The following PTPN12 variants were observed in gnomAD, a reference collection of about 807,000 sequenced individuals.
The protein encoded by PTPN12 is tyrosine-protein phosphatase non-receptor type 12.
A neutral mutation model predicts 97.6 loss-of-function variants in PTPN12; 29 were observed. The observed-to-expected ratio is 0.30, with a 90% CI of 0.22 to 0.41. PTPN12 has a LOEUF of 0.41. Ranked by LOEUF, PTPN12 falls within the 10% of genes least tolerant of loss-of-function variation. PTPN12 has a pLI of 1.00. For synonymous variants in PTPN12, 327 were observed against 300.4 expected (o/e 1.09, Z -0.91); for missense variants, 819 against 926.0 (o/e 0.88, Z 1.50).
chr7:77,618,329 A>C, intron 11 of PTPN12, 151 bp from the exon 12 acceptor site: 1 of 515,514 alleles, frequency 1.9e-6, no homozygotes, highest in Non-Finnish European at 3.4e-6. Context: ...TCAGGCTAAA[A>C]TATAGAGCCA....
chr7:77,587,861 A>G (rs749453599), intron 5 of PTPN12, among the ~76,000 whole-genome samples: 2 of 152,178 alleles, frequency 1.3e-5, no homozygotes, highest in Non-Finnish European at 2.9e-5. Context: ...TCGCACTTTT[A>G]TGTTATGGGG....
At chr7:77,611,583 T>A (rs535072566) in intron 11 of PTPN12, among the ~76,000 whole-genome samples, 1 of 152,242 alleles carries the variant, frequency 6.6e-6, no homozygotes, top group Non-Finnish European at 1.5e-5. Flanking sequence ...TAGCTGGGAT[T>A]ACAGGCGCAC....
At position 77,592,211 on chromosome 7, in the gene PTPN12, G is replaced by A; in HGVS notation, c.447G>A (p.Leu149=). Residue 149 remains leucine (L), a synonymous_variant, in exon 6 of 18, where the codon TTG becomes TTA. Transcript: ENST00000248594. ...GRKKCERYWP[L]YGEDPITFAP... The stretch of plus-strand genomic sequence containing the variant: ...AAAAATGTGAGCGCTATTGGCCTTT[G>A]TATGGAGAAGACCCCATAACGTTTG... 1.9e-6 allele frequency: 3 copies of A among 1,604,754 alleles called. No homozygotes were observed. Among genetic ancestry groups the A allele is most frequent in the Non-Finnish European group, 2.5e-6 (3 of 1,177,606 alleles).
chr7:77,611,617 G>A (rs1788571940), intron 11 of PTPN12, among the ~76,000 whole-genome samples: 1 of 152,148 alleles, frequency 6.6e-6, no homozygotes. Context: ...GCTAGTTTTT[G>A]TATTTTTAGT....
intron 11 of PTPN12, among the ~76,000 whole-genome samples, chr7:77,613,984 C>T (rs546074222): frequency 1.9e-4 from 29 of 152,190 alleles, no homozygotes; most frequent in African/African-American, 2.4e-4. Flanking sequence ...CTCAACCTCC[C>T]GGACTCAAGC....
At chr7:77,538,193 A>C (rs892315929) in intron 1 of PTPN12, 1 of 665,240 alleles carries the variant, frequency 1.5e-6, no homozygotes, top group Non-Finnish European at 1.9e-6. Flanking sequence ...GGTCGCAGTC[A>C]TGATCTCCAA....
chr7:77,584,309 A>T (rs1187452218), intron 4 of PTPN12, among the ~76,000 whole-genome samples: 3 of 152,184 alleles, frequency 2.0e-5, no homozygotes, highest in African/African-American at 2.4e-5. Context: ...AAGCATTGAC[A>T]TGCTCTGGTC....
chr7:77,558,262 G>A (rs977906792), intron 1 of PTPN12, among the ~76,000 whole-genome samples: 3 of 151,532 alleles, frequency 2.0e-5, no homozygotes, highest in African/African-American at 4.8e-5. Flanking sequence ...AAAATGGTAA[G>A]GATATAGAAA....
Position 77,611,981 on chromosome 7 carries a change from A to ATT in PTPN12, c.939+950_939+951dup, listed in dbSNP as rs370589017. ...CCACCTTGTCCCTGAAGGTGCTGAG[A>ATT]TTTTTTTTTTTTTTTTGTAGAATTT... is the stretch of plus-strand genomic sequence containing the variant. On this transcript the variant is annotated intron_variant, in intron 11 of 17. Coordinates refer to ENST00000248594, the MANE Select transcript of PTPN12 (RefSeq NM_002835.4). 1.7e-3 allele frequency among the ~76,000 whole-genome samples: 236 copies of ATT among 140,032 alleles called. 1 individual carries two copies. In the East Asian group the frequency reaches 0.034, roughly 20 times the overall value. 91.9% of individuals were successfully genotyped at this position (140,032 alleles called of 152,430 possible).
intron 16 of PTPN12, among the ~76,000 whole-genome samples, chr7:77,637,844 G>T (rs1246684553): frequency 9.8e-5 from 10 of 101,678 alleles, no homozygotes; most frequent in African/African-American, 3.4e-4. Context: ...GCAACAAGAG[G>T]GAAACTCCGT....
intron 8 of PTPN12, 131 bp downstream of exon 8, chr7:77,600,937 C>A: frequency 1.3e-6 from 1 of 758,982 alleles, no homozygotes; most frequent in Admixed American, 3.2e-5. Context: ...GGACTAGGGC[C>A]TTGTAAGTTG....
intron 11 of PTPN12, among the ~76,000 whole-genome samples, chr7:77,612,155 G>C (rs1788591730): frequency 6.6e-6 from 1 of 152,036 alleles, no homozygotes; most frequent in South Asian, 2.1e-4. Context: ...GAATTTTCTT[G>C]GTTTTCCAAA....
intron 5 of PTPN12, among the ~76,000 whole-genome samples, chr7:77,586,880 T>TA (rs1403897713): frequency 6.6e-6 from 1 of 152,228 alleles, no homozygotes; most frequent in Non-Finnish European, 1.5e-5. Flanking sequence ...TTTATTTTCT[T>TA]ATCCGTAAGA....
At chr7:77,565,021 G>A (rs144257297) in intron 1 of PTPN12, among the ~76,000 whole-genome samples, 14 of 152,152 alleles carry the variant, frequency 9.2e-5, no homozygotes, top group African/African-American at 3.4e-4. Flanking sequence ...CTCCCAAAGT[G>A]CTGGGATTAG....
chr7:77,584,725 A>C (rs1367750129), intron 4 of PTPN12, among the ~76,000 whole-genome samples: 1 of 152,070 alleles, frequency 6.6e-6, no homozygotes, highest in East Asian at 1.9e-4. Flanking sequence ...AAAATACAAA[A>C]AATTAGCTGG....
At chr7:77,597,997 G>A (rs756848441) in intron 7 of PTPN12, 96 bp downstream of exon 7, 15 of 1,480,060 alleles carry the variant, frequency 1.0e-5, no homozygotes, top group African/African-American at 2.8e-5. Flanking sequence ...GGAGGCTGAA[G>A]TGGGAGGGTG....
intron 13 of PTPN12, among the ~76,000 whole-genome samples, chr7:77,630,079 A>G (rs1230477921): frequency 6.6e-6 from 1 of 152,184 alleles, no homozygotes; most frequent in East Asian, 1.9e-4. Flanking sequence ...CTCAACCTTA[A>G]CTATGTTATT....
chr7:77,614,409 A>T lies in PTPN12; in HGVS notation c.939+3363A>T, dbSNP rs569854569. 1.6e-4 allele frequency among the ~76,000 whole-genome samples: 25 copies of T among 152,302 alleles called. No individual in the cohort carries two copies. The South Asian group carries it at 5.2e-3, about 32-fold the overall frequency. The stretch of plus-strand genomic sequence containing the variant: ...TAATAGGTCAGAGCTTTACGGGAAT[A>T]TAATAAAAAAGTCATACTTTGTAGG... On this transcript the variant is annotated intron_variant, in intron 11 of 17. Transcript: ENST00000248594.
intron 1 of PTPN12, among the ~76,000 whole-genome samples, chr7:77,545,239 A>G (rs1472123099): frequency 1.3e-5 from 2 of 152,082 alleles, no homozygotes; most frequent in African/African-American, 2.4e-5. Context: ...ATTACAAGTG[A>G]TATCTGTTGT....
Sources: gnomAD v4.1 joint callset for allele counts (sites outside exome capture counted in the v4.1 genomes callset) on GRCh38, gnomAD v4.1.1 for gene constraint, MANE v1.5 for transcripts, NCBI Gene and HGNC (gene_info 2026-07-23, HGNC 2026-07-21) for gene names.